The following MITF variants were observed in gnomAD, a reference collection of about 807,000 sequenced individuals.
MITF encodes melanocyte inducing transcription factor, also known as microphthalmia-associated transcription factor.
In MITF, 17 loss-of-function variants were observed where a neutral mutation model predicts 60.5. The ratio of observed to expected loss-of-function variants is 0.28; its 90% CI spans 0.19 to 0.42. The LOEUF is 0.42. Ranked by LOEUF, MITF falls within the 10% of genes least tolerant of loss-of-function variation. The pLI is 1.00. For synonymous variants in MITF, 260 were observed against 248.5 expected (o/e 1.05, Z -0.43); for missense variants, 622 against 683.5 (o/e 0.91, Z 1.00).
chr3:69,760,817 A>G (rs982170264), intron 1 of MITF, among the ~76,000 whole-genome samples: 2 of 152,214 alleles, frequency 1.3e-5, no homozygotes, highest in African/African-American at 4.8e-5. Context: ...CTCAGGGCCT[A>G]GAGGATAAAG....
In MITF at chr3:69,853,672, C is replaced by T. The variant is rs543546347; in HGVS notation, c.105-25462C>T. On this transcript the variant is annotated intron_variant, in intron 1 of 9. Coordinates refer to ENST00000352241, the MANE Select transcript of MITF (RefSeq NM_001354604.2). ...TTGCTTTTCATTACACTTTTAGAAT[C>T]GTTGACTACATCACTAAACTATGCT... is the stretch of plus-strand genomic sequence containing the variant. 2.5e-3 allele frequency among the ~76,000 whole-genome samples: 378 copies of T among 152,102 alleles called. 1 individual carries two copies. Among genetic ancestry groups the T allele is most frequent in the Non-Finnish European group, 4.3e-3 (290 of 67,982 alleles).
chr3:69,805,663 C>CT lies in MITF; in HGVS notation c.104+65965dup, dbSNP rs545055485. 3.7e-3 allele frequency among the ~76,000 whole-genome samples: 566 copies of CT among 151,508 alleles called. 4 individuals carry two copies. The highest frequency in any genetic ancestry group is 0.01 in the African/African-American group (423 of 41,398). On this transcript the variant is annotated intron_variant, in intron 1 of 9. Transcript: ENST00000352241. ...ATATTTGGTGAGTGAAAAAATGCAT[C>CT]TTTCTTTTTTTAAATGACGAGGTCG...
At chr3:69,922,362 C>T (rs1312659786) in intron 2 of MITF, among the ~76,000 whole-genome samples, 7 of 152,120 alleles carry the variant, frequency 4.6e-5, no homozygotes, top group Non-Finnish European at 1.5e-5. Flanking sequence ...GCTGGGACTA[C>T]AGGCATATGC....
chr3:69,856,616 C>T (rs2063923235), intron 1 of MITF, among the ~76,000 whole-genome samples: 3 of 152,134 alleles, frequency 2.0e-5, no homozygotes, highest in Non-Finnish European at 4.4e-5. Flanking sequence ...AACTTTTGCT[C>T]AAGATTTACC....
At chr3:69,850,129 A>G (rs2063800386) in intron 1 of MITF, among the ~76,000 whole-genome samples, 1 of 152,220 alleles carries the variant, frequency 6.6e-6, no homozygotes, top group Non-Finnish European at 1.5e-5. Context: ...CCCTCCCATA[A>G]GTAATAAGCT....
intron 1 of MITF, chr3:69,752,258 G>A (rs937835045): frequency 3.3e-5 from 5 of 152,256 alleles, no homozygotes; most frequent in Non-Finnish European, 7.3e-5. Context: ...ACCTGAAAAT[G>A]TGGAAGCAAC....
At chr3:69,921,451 AT>A (rs1210232898) in intron 2 of MITF, among the ~76,000 whole-genome samples, 2 of 152,284 alleles carry the variant, frequency 1.3e-5, no homozygotes, top group Non-Finnish European at 2.9e-5. Context: ...TTCATTCTAT[AT>A]AGTTTTAGGG....
intron 1 of MITF, among the ~76,000 whole-genome samples, chr3:69,799,795 G>T (rs976367207): frequency 1.3e-5 from 2 of 152,000 alleles, no homozygotes; most frequent in Non-Finnish European, 2.9e-5. Flanking sequence ...CATTTTTGTT[G>T]TTCGTGTCAC....
intron 1 of MITF, among the ~76,000 whole-genome samples, chr3:69,796,285 T>C (rs1012715104): frequency 2.1e-4 from 32 of 152,066 alleles, no homozygotes; most frequent in Non-Finnish European, 5.9e-5. Flanking sequence ...CTGGCCTCTG[T>C]TGCTATTTTT....
intron 2 of MITF, among the ~76,000 whole-genome samples, chr3:69,883,260 G>T (rs1471503310): frequency 2.0e-5 from 3 of 152,136 alleles, no homozygotes; most frequent in Admixed American, 2.0e-4. Context: ...CTTGCTGTTT[G>T]TCAAATACAG....
At chr3:69,804,911 T>A (rs531070320) in intron 1 of MITF, among the ~76,000 whole-genome samples, 85 of 152,348 alleles carry the variant, frequency 5.6e-4, no homozygotes, top group African/African-American at 2.0e-3. Flanking sequence ...ATCAGAGCCA[T>A]AAAACCACAT....
intron 1 of MITF, among the ~76,000 whole-genome samples, chr3:69,827,168 G>T (rs1430604): frequency 0.15 from 23,481 of 152,088 alleles, 2,109 homozygotes; most frequent in Non-Finnish European, 0.21. Flanking sequence ...TCTTTCTCCA[G>T]TACCACCACT....
At chr3:69,934,395 A>T (rs1485391151) in intron 2 of MITF, among the ~76,000 whole-genome samples, 1 of 152,208 alleles carries the variant, frequency 6.6e-6, no homozygotes, top group Non-Finnish European at 1.5e-5. Context: ...AATATGCTAA[A>T]TATTGATAGA....
At position 69,904,094 on chromosome 3, in the gene MITF, T is replaced by C. The variant is rs79608546; in HGVS notation, c.354+24711T>C. 7.3e-3 allele frequency among the ~76,000 whole-genome samples: 1,114 copies of C among 152,200 alleles called. 8 individuals are homozygous for C. The highest frequency in any genetic ancestry group is 0.025 in the African/African-American group (1,043 of 41,510). The stretch of plus-strand genomic sequence containing the variant: ...GTCTAGAAACAAGGTATTGCCATGA[T>C]TAGCTTGAACCAGTATCACCCATAA... On this transcript the variant is annotated intron_variant, in intron 2 of 9. Coordinates refer to ENST00000352241, the MANE Select transcript of MITF (RefSeq NM_001354604.2).
intron 1 of MITF, among the ~76,000 whole-genome samples, chr3:69,762,352 T>G (rs1201409962): frequency 6.6e-6 from 1 of 151,968 alleles, no homozygotes. Context: ...AAAACAATAA[T>G]AAGAAAAAAA....
At chr3:69,760,584 G>C (rs1249665363) in intron 1 of MITF, among the ~76,000 whole-genome samples, 2 of 152,210 alleles carry the variant, frequency 1.3e-5, no homozygotes, top group Non-Finnish European at 2.9e-5. Context: ...TAACTTTTGG[G>C]AGTTGCCATG....
At chr3:69,798,427 G>C in intron 1 of MITF, among the ~76,000 whole-genome samples, 1 of 152,290 alleles carries the variant, frequency 6.6e-6, no homozygotes, top group Non-Finnish European at 1.5e-5. Flanking sequence ...ATTCAGAGTT[G>C]TTGTGAGGAA....
chr3:69,911,551 A>G (rs2065226165), intron 2 of MITF, among the ~76,000 whole-genome samples: 1 of 152,240 alleles, frequency 6.6e-6, no homozygotes, highest in Non-Finnish European at 1.5e-5. Flanking sequence ...TAGGAGAACC[A>G]TATTGATAAC....
At chr3:69,751,799 C>G (rs1215786452) in intron 1 of MITF, among the ~76,000 whole-genome samples, 2 of 152,046 alleles carry the variant, frequency 1.3e-5, no homozygotes, top group Non-Finnish European at 2.9e-5. Flanking sequence ...TACCATATCT[C>G]ATGTCAAATT....
Sources: gnomAD v4.1 joint callset for allele counts (sites outside exome capture counted in the v4.1 genomes callset) on GRCh38, gnomAD v4.1.1 for gene constraint, MANE v1.5 for transcripts, NCBI Gene and HGNC (gene_info 2026-07-23, HGNC 2026-07-21) for gene names.